Variants in MRTFB observed in about 807,000 individuals in gnomAD.
MRTFB encodes myocardin-related transcription factor B.
Under a neutral mutation model 104.2 loss-of-function variants are expected in MRTFB, and 29 were observed. The ratio of observed to expected loss-of-function variants is 0.28; its 90% CI spans 0.21 to 0.38. MRTFB has a LOEUF of 0.38. Ranked by LOEUF, MRTFB falls within the 10% of genes least tolerant of loss-of-function variation. The probability of loss-of-function intolerance (pLI) is 1.00; values close to 1 mark genes in which losing one functional copy is unlikely to be tolerated. For synonymous variants in MRTFB, 535 were observed against 519.5 expected, an observed-to-expected ratio of 1.03 and a Z score of -0.41; for missense variants, 1,270 against 1,341.6, an observed-to-expected ratio of 0.95 and a Z score of 0.83.
chr16:14,106,669 T>C (rs1330263874), intron 2 of MRTFB, among the ~76,000 whole-genome samples: 1 of 152,204 alleles, frequency 6.6e-6, no homozygotes, highest in Non-Finnish European at 1.5e-5. Context: ...CAATATTATC[T>C]TCTGGTAATT....
At chr16:14,174,082 AT>A (rs946931509) in intron 3 of MRTFB, among the ~76,000 whole-genome samples, 2 of 151,836 alleles carry the variant, frequency 1.3e-5, no homozygotes, top group African/African-American at 4.8e-5. Context: ...TTAATGTATA[AT>A]TTTTTTTGAG....
the MRTFB span, among the ~76,000 whole-genome samples, chr16:14,013,643 A>G: frequency 1.3e-5 from 2 of 152,364 alleles, no homozygotes; most frequent in Non-Finnish European, 2.9e-5. Context: ...TTGCCTTTAA[A>G]TACAACCACA....
Position 14,261,524 on chromosome 16 carries a change from T to A in MRTFB, c.*80T>A. 1 of 1,345,364 alleles carries A rather than the reference T, an allele frequency of 7.4e-7. No homozygotes were observed. Among genetic ancestry groups the A allele is most frequent in the Non-Finnish European group, 1.0e-6 (1 of 983,508 alleles). 83.3% of individuals were successfully genotyped at this position (1,345,364 alleles called of 1,614,324 possible). A position where few individuals can be genotyped will look rare whatever the true frequency, so the allele number is the denominator to read the frequency against. ...AAAGGTCAGTTTTTAGAGATAGATC[T>A]ATAGTTGCATTGTTGCAATCAAAAT... On this transcript the variant is annotated 3_prime_UTR_variant, in exon 17 of 17. Transcript: ENST00000571589.
chr16:14,071,395 G>T (rs866991765), intron 1 of MRTFB, 30 bp downstream of exon 1: 2,353 of 160,324 alleles, frequency 0.015, 49 homozygotes, highest in African/African-American at 0.046. Context: ...GGCCGTTGGG[G>T]GCTGAGGCCG....
At chr16:14,033,141 G>A in the MRTFB span, among the ~76,000 whole-genome samples, 1 of 152,070 alleles carries the variant, frequency 6.6e-6, no homozygotes, top group Non-Finnish European at 1.5e-5. Flanking sequence ...TAAAAAGCAT[G>A]TTGTATCCCA....
intron 3 of MRTFB, chr16:14,200,348 A>G (rs1307601923): frequency 5.6e-6 from 9 of 1,607,656 alleles, no homozygotes; most frequent in Admixed American, 1.7e-5. Flanking sequence ...AGGCTGGCGT[A>G]GGGCCGCCAT....
At chr16:14,111,638 C>G (rs930769729) in intron 2 of MRTFB, among the ~76,000 whole-genome samples, 2 of 152,192 alleles carry the variant, frequency 1.3e-5, no homozygotes, top group African/African-American at 4.8e-5. Context: ...TCTATCCCCT[C>G]TACCACCCAC....
rs902119682 is a variant in MRTFB, at chr16:14,264,867, C to CA, written c.*3425dup. Reference sequence around the variant, plus strand: ...AGCTGACTCAGGCTTCCTGGACCCTCAACCCCAGATCATTCCAGGCAGCAT... The same window carrying CA: ...AGCTGACTCAGGCTTCCTGGACCCTCAAACCCCAGATCATTCCAGGCAGCAT... On this transcript the variant is annotated 3_prime_UTR_variant, in exon 17 of 17. Coordinates refer to ENST00000571589, the MANE Select transcript of MRTFB (RefSeq NM_001308142.2). The CA allele has an allele frequency of 6.6e-6, 1 of 152,274 alleles. No individual in the cohort carries two copies. Among genetic ancestry groups the CA allele is most frequent in the African/African-American group, 2.4e-5 (1 of 41,464 alleles). 9.4% of individuals were successfully genotyped at this position (152,274 alleles called of 1,614,324 possible).
At chr16:14,147,480 C>T (rs1469988800) in intron 3 of MRTFB, among the ~76,000 whole-genome samples, 1 of 152,154 alleles carries the variant, frequency 6.6e-6, no homozygotes, top group East Asian at 1.9e-4. Context: ...GCACCTGTAA[C>T]CCTGTCTGCC....
chr16:14,171,633 T>G (rs2039426494), intron 3 of MRTFB, among the ~76,000 whole-genome samples: 1 of 152,230 alleles, frequency 6.6e-6, no homozygotes. Flanking sequence ...TTCCCCTTTA[T>G]GTATTTGTAA....
Position 14,264,431 on chromosome 16 carries a change from T to C in MRTFB, c.*2987T>C, listed in dbSNP as rs1483349340. Reference sequence around the variant, plus strand: ...TCATCTTGTACATTTCAGCAAAGCATCCACTAGGAAACCTCATAGGACAGT... The same window carrying C: ...TCATCTTGTACATTTCAGCAAAGCACCCACTAGGAAACCTCATAGGACAGT... On this transcript the variant is annotated 3_prime_UTR_variant, in exon 17 of 17. Coordinates refer to ENST00000571589, the MANE Select transcript of MRTFB (RefSeq NM_001308142.2). 6.6e-6 allele frequency: 1 copy of C among 152,196 alleles called. No homozygotes were observed. The highest frequency in any genetic ancestry group is 2.4e-5 in the African/African-American group (1 of 41,434). 9.4% of individuals were successfully genotyped at this position (152,196 alleles called of 1,614,324 possible).
chr16:14,122,458 T>C (rs9931672), intron 2 of MRTFB, among the ~76,000 whole-genome samples: 35,525 of 151,942 alleles, frequency 0.23, 7,896 homozygotes, highest in African/African-American at 0.57. Flanking sequence ...CAACAGGCCC[T>C]GGTGTGTGAT....
intron 3 of MRTFB, among the ~76,000 whole-genome samples, chr16:14,202,120 A>C (rs933590846): frequency 8.1e-5 from 9 of 111,102 alleles, no homozygotes; most frequent in African/African-American, 4.0e-4. Context: ...TTTACAAGGC[A>C]AAAAAAAAAA....
At chr16:14,077,606 A>C (rs2034140568) in intron 1 of MRTFB, among the ~76,000 whole-genome samples, 1 of 151,986 alleles carries the variant, frequency 6.6e-6, no homozygotes, top group Admixed American at 6.6e-5. Context: ...TTTTTAAAGA[A>C]TCAAGATCAT....
rs747085470 is a variant in MRTFB, at chr16:14,261,361, C to T, written c.3217C>T (p.Leu1073Phe). The stretch of plus-strand genomic sequence containing the variant: ...TACCATGCCCAACTCCTCTTCAGGA[C>T]TCACTCCTCTCAGCACCACCGCGCC... Reference protein sequence around the residue: ...DITMPNSSSGLTPLSTTAPSM... With the variant: ...DITMPNSSSGFTPLSTTAPSM... The change falls in exon 17 of 17, where the codon CTC (leucine) becomes TTC (phenylalanine). Residue 1073 changes from leucine to phenylalanine, a missense_variant. Coordinates refer to ENST00000571589, the MANE Select transcript of MRTFB (RefSeq NM_001308142.2). 1.9e-6 allele frequency: 3 copies of T among 1,614,106 alleles called. No individual in the cohort carries two copies. The highest frequency in any genetic ancestry group is 2.5e-6 in the Non-Finnish European group (3 of 1,180,032).
In MRTFB at chr16:14,249,007, T is replaced by G. The variant is rs1169237280; in HGVS notation, c.2329T>G (p.Leu777Val). The change falls in exon 13 of 17, where the codon TTG (leucine) becomes GTG (valine). Residue 777 changes from leucine to valine, a missense_variant. This residue lies in a region of MRTFB where 1,144 missense variants were observed against 1,131.5 expected (regional missense o/e 1.01). Transcript: ENST00000571589. Reference protein sequence around the residue: ...QIPTAALASGLAPTVPQTQDT... With the variant: ...QIPTAALASGVAPTVPQTQDT... ...ACCAACTGCTGCCTTGGCCTCAGGC[T>G]TGGCCCCAACTGTACCTCAGACACA... 6.2e-7 allele frequency: 1 copy of G among 1,614,102 alleles called. No individual in the cohort carries two copies. Among genetic ancestry groups the G allele is most frequent in the African/African-American group, 1.3e-5 (1 of 74,928 alleles).
chr16:14,251,710 A>G (rs2043263363), intron 13 of MRTFB, 152 bp from the exon 14 acceptor site: 2 of 733,958 alleles, frequency 2.7e-6, no homozygotes, highest in African/African-American at 1.8e-5. Flanking sequence ...AGTGGTAACA[A>G]CAGAGGCCAG....
At chr16:14,229,138 A>G (rs7498392) in intron 8 of MRTFB, among the ~76,000 whole-genome samples, 133,565 of 152,144 alleles carry the variant, frequency 0.88, 59,557 homozygotes, top group Non-Finnish European at 0.97. Flanking sequence ...CTCACTACCA[A>G]TCAGGTCATC....
At chr16:14,216,703 A>G (rs902511140) in intron 6 of MRTFB, among the ~76,000 whole-genome samples, 1 of 152,084 alleles carries the variant, frequency 6.6e-6, no homozygotes, top group East Asian at 1.9e-4. Flanking sequence ...TTATAACCCT[A>G]AGAGGCAGTG....
Sources: allele counts gnomAD v4.1 joint callset (sites outside exome capture counted in the v4.1 genomes callset), GRCh38; gene constraint gnomAD v4.1.1; regional missense constraint gnomAD v4.1.1; transcripts MANE v1.5; gene names NCBI Gene and HGNC (gene_info 2026-07-23, HGNC 2026-07-21).